Variants in TMEFF2 observed in about 807,000 individuals in gnomAD.
TMEFF2 encodes the protein transmembrane protein with EGF like and two follistatin like domains 2, also known as tomoregulin-2.
A neutral mutation model predicts 53.8 loss-of-function variants in TMEFF2; 28 were observed. The ratio of observed to expected loss-of-function variants is 0.52; its 90% CI spans 0.39 to 0.71. The LOEUF (loss-of-function observed/expected upper bound fraction) is 0.71. TMEFF2 is among the 30% of genes least tolerant of loss of function. TMEFF2 has a pLI of 0.00. For synonymous variants in TMEFF2, 162 were observed against 166.3 expected (o/e 0.97, Z 0.20); for missense variants, 353 against 455.2 (o/e 0.78, Z 2.04).
intron 4 of TMEFF2, among the ~76,000 whole-genome samples, chr2:192,131,587 C>G (rs1354538021): frequency 6.6e-6 from 1 of 152,020 alleles, no homozygotes; most frequent in Non-Finnish European, 1.5e-5. Flanking sequence ...GCCCCAATCC[C>G]TTATTTCCGT....
chr2:192,049,344 C>T (rs998208914), intron 5 of TMEFF2, among the ~76,000 whole-genome samples: 6 of 152,196 alleles, frequency 3.9e-5, no homozygotes, highest in South Asian at 2.1e-4. Context: ...TGTTTTGTAA[C>T]ATGAGAATTA....
At chr2:192,154,398 C>T (rs1241780347) in intron 4 of TMEFF2, among the ~76,000 whole-genome samples, 4 of 151,960 alleles carry the variant, frequency 2.6e-5, no homozygotes, top group Admixed American at 6.6e-5. Flanking sequence ...ATACTTTCTA[C>T]ATTGGTACAG....
intron 5 of TMEFF2, among the ~76,000 whole-genome samples, chr2:192,047,734 T>A (rs1451927483): frequency 1.3e-5 from 2 of 152,232 alleles, no homozygotes; most frequent in Non-Finnish European, 2.9e-5. Flanking sequence ...GATGTTTTGA[T>A]TGGGTGTTGC....
intron 5 of TMEFF2, among the ~76,000 whole-genome samples, chr2:192,000,084 T>C (rs1362586094): frequency 1.3e-5 from 2 of 152,172 alleles, no homozygotes; most frequent in African/African-American, 4.8e-5. Context: ...TGATTGTTCC[T>C]ATATCTTTAC....
chr2:191,957,448 A>G (rs1218145528), intron 7 of TMEFF2, among the ~76,000 whole-genome samples: 2 of 152,338 alleles, frequency 1.3e-5, no homozygotes, highest in African/African-American at 4.8e-5. Context: ...TCCTATTTTT[A>G]TGAAATGGTT....
At chr2:192,138,657 T>C (rs1275181574) in intron 4 of TMEFF2, among the ~76,000 whole-genome samples, 2 of 152,252 alleles carry the variant, frequency 1.3e-5, no homozygotes, top group Non-Finnish European at 2.9e-5. Flanking sequence ...TTTGAAATTA[T>C]TGTGCTATCT....
chr2:192,172,247 C>T (rs373984134), intron 4 of TMEFF2, among the ~76,000 whole-genome samples: 2 of 151,802 alleles, frequency 1.3e-5, no homozygotes, highest in East Asian at 1.9e-4. Flanking sequence ...CACCCTCTTC[C>T]CAATCTTACT....
chr2:191,983,831 T>C (rs530486992), intron 7 of TMEFF2, among the ~76,000 whole-genome samples: 2 of 152,216 alleles, frequency 1.3e-5, no homozygotes, highest in Non-Finnish European at 2.9e-5. Flanking sequence ...CATTTCAAGT[T>C]TTTAGAGACA....
chr2:192,138,349 C>G (rs979341768), intron 4 of TMEFF2, among the ~76,000 whole-genome samples: 1 of 152,178 alleles, frequency 6.6e-6, no homozygotes, highest in Non-Finnish European at 1.5e-5. Context: ...AGGGATAATA[C>G]ATTGCATTGC....
At chr2:191,971,334 C>G (rs922538414) in intron 7 of TMEFF2, among the ~76,000 whole-genome samples, 6 of 152,166 alleles carry the variant, frequency 3.9e-5, no homozygotes, top group African/African-American at 1.4e-4. Flanking sequence ...AAAACATGTA[C>G]AAATTTGAAT....
chr2:192,074,455 CTA>C (rs1386911468), intron 4 of TMEFF2, among the ~76,000 whole-genome samples: 5 of 151,688 alleles, frequency 3.3e-5, no homozygotes, highest in Admixed American at 2.6e-4. Flanking sequence ...GATAACTAAA[CTA>C]TTTTATATAT....
At chr2:192,023,953 G>C (rs1055960033) in intron 5 of TMEFF2, among the ~76,000 whole-genome samples, 3 of 152,174 alleles carry the variant, frequency 2.0e-5, no homozygotes, top group African/African-American at 7.2e-5. Flanking sequence ...ACTAAATAGA[G>C]TGTTTCTTCT....
intron 3 of TMEFF2, among the ~76,000 whole-genome samples, chr2:192,180,832 A>G (rs1288040989): frequency 6.6e-6 from 1 of 151,734 alleles, no homozygotes; most frequent in Non-Finnish European, 1.5e-5. Context: ...ATGTATTGGC[A>G]TTAGCAGTAC....
At chr2:192,008,701 AT>A (rs1310316615) in intron 5 of TMEFF2, among the ~76,000 whole-genome samples, 1 of 152,196 alleles carries the variant, frequency 6.6e-6, no homozygotes, top group Non-Finnish European at 1.5e-5. Flanking sequence ...TCACTTTTGA[AT>A]CATGTGGTAG....
At chr2:192,119,642 A>G (rs1689500744) in intron 4 of TMEFF2, among the ~76,000 whole-genome samples, 1 of 152,160 alleles carries the variant, frequency 6.6e-6, no homozygotes, top group South Asian at 2.1e-4. Context: ...TTGGGGTTTC[A>G]CCTCAGACAA....
chr2:191,961,782 A>G (rs906907605), intron 7 of TMEFF2, among the ~76,000 whole-genome samples: 3 of 152,160 alleles, frequency 2.0e-5, no homozygotes, highest in East Asian at 3.8e-4. Flanking sequence ...TTGCAATCCA[A>G]GTTTTTTAAA....
At chr2:192,005,235 T>G (rs1686471599) in intron 5 of TMEFF2, among the ~76,000 whole-genome samples, 1 of 152,184 alleles carries the variant, frequency 6.6e-6, no homozygotes, top group African/African-American at 2.4e-5. Flanking sequence ...AAGGTAGCAT[T>G]TGAGACAACT....
chr2:192,075,048 G>T (rs1688376165), intron 4 of TMEFF2, among the ~76,000 whole-genome samples: 1 of 151,264 alleles, frequency 6.6e-6, no homozygotes, highest in South Asian at 2.1e-4. Flanking sequence ...AAACAAAGCT[G>T]TCTTCTAATT....
chr2:192,192,658 G>A (rs1691491721), intron 1 of TMEFF2, among the ~76,000 whole-genome samples: 1 of 152,064 alleles, frequency 6.6e-6, no homozygotes, highest in Non-Finnish European at 1.5e-5. Context: ...AAAATATCTG[G>A]TAAATATGTA....
Sources: gnomAD v4.1 joint callset for allele counts (sites outside exome capture counted in the v4.1 genomes callset) on GRCh38, gnomAD v4.1.1 for gene constraint, MANE v1.5 for transcripts, NCBI Gene and HGNC (gene_info 2026-07-23, HGNC 2026-07-21) for gene names.